ADGRB3: variants seen among roughly 807,000 people sequenced by gnomAD.
The protein encoded by ADGRB3 is brain-specific angiogenesis inhibitor 3.
ADGRB3 carries 37 observed loss-of-function variants against 193.4 expected under a neutral mutation model. The ratio of observed to expected loss-of-function variants is 0.19; its 90% CI spans 0.15 to 0.25. The LOEUF (loss-of-function observed/expected upper bound fraction) is 0.25, where lower values mean the gene tolerates loss of function less well. ADGRB3 is among the 10% of genes least tolerant of loss of function. The pLI, the probability that ADGRB3 is intolerant of heterozygous loss-of-function variation, is 1.00. For synonymous variants in ADGRB3, 690 were observed against 644.2 expected (o/e 1.07, Z -1.08); for missense variants, 1,637 against 1,852.9 (o/e 0.88, Z 2.14).
At chr6:68,912,539 C>T (rs1004202316) in intron 3 of ADGRB3, among the ~76,000 whole-genome samples, 4 of 151,950 alleles carry the variant, frequency 2.6e-5, no homozygotes, top group African/African-American at 7.3e-5. Flanking sequence ...CCACAACAGT[C>T]CCCAGAGTGT....
chr6:68,933,765 A>G (rs1288570069), intron 4 of ADGRB3, among the ~76,000 whole-genome samples: 2 of 152,200 alleles, frequency 1.3e-5, no homozygotes, highest in Non-Finnish European at 2.9e-5. Context: ...TATTCATTTT[A>G]TCGAAGACAT....
chr6:68,863,496 TATC>T (rs1238465646), intron 3 of ADGRB3, among the ~76,000 whole-genome samples: 1 of 152,092 alleles, frequency 6.6e-6, no homozygotes, highest in East Asian at 1.9e-4. Flanking sequence ...TTTATTAAAA[TATC>T]ATTTATTATG....
Position 69,355,838 on chromosome 6 carries a change from T to C in ADGRB3, c.3573T>C (p.Asp1191=), listed in dbSNP as rs764157090. 2.7e-5 allele frequency: 44 copies of C among 1,608,456 alleles called. No homozygotes were observed. Among genetic ancestry groups the C allele is most frequent in the Non-Finnish European group, 3.7e-5 (44 of 1,175,536 alleles). The part of the protein sequence containing the change: ...HAQIMTDFEK[D]VDIACRSVLH... ...TGTTACAGACAGACTTTGAAAAGGA[T>C]GTAGACATTGCCTGTCGATCAGGTA... Residue 1191 remains aspartate, a synonymous_variant, in exon 28 of 32, where the codon GAT becomes GAC. Coordinates refer to ENST00000370598, the MANE Select transcript of ADGRB3 (RefSeq NM_001704.3).
At chr6:69,331,260 T>G (rs956398954) in intron 23 of ADGRB3, among the ~76,000 whole-genome samples, 1 of 152,220 alleles carries the variant, frequency 6.6e-6, no homozygotes, top group Non-Finnish European at 1.5e-5. Flanking sequence ...TTGTTTAAAA[T>G]TTTAAACTAC....
intron 26 of ADGRB3, among the ~76,000 whole-genome samples, chr6:69,349,287 ACCT>A (rs1267170672): frequency 6.6e-6 from 1 of 152,186 alleles, no homozygotes; most frequent in Non-Finnish European, 1.5e-5. Context: ...AGCTTATATG[ACCT>A]CCTCAAACTG....
intron 20 of ADGRB3, among the ~76,000 whole-genome samples, chr6:69,253,409 C>A (rs530963639): frequency 1.3e-5 from 2 of 151,976 alleles, no homozygotes; most frequent in Non-Finnish European, 1.5e-5. Flanking sequence ...AGGTAGGGAC[C>A]AATATATTCT....
chr6:69,007,693 TCACACACACA>T (rs764934080), intron 11 of ADGRB3, among the ~76,000 whole-genome samples: 23 of 90,164 alleles, frequency 2.6e-4, no homozygotes, highest in African/African-American at 8.0e-4. Context: ...TCTCTCTCTC[TCACACACACA>T]CACACACACA....
chr6:69,193,269 G>A (rs1426575720), intron 17 of ADGRB3, among the ~76,000 whole-genome samples: 1 of 152,088 alleles, frequency 6.6e-6, no homozygotes, highest in Non-Finnish European at 1.5e-5. Context: ...TTAGAGAGTA[G>A]ACAGGTGTGA....
chr6:69,180,046 AG>A (rs1270847220), intron 17 of ADGRB3, among the ~76,000 whole-genome samples: 1 of 152,198 alleles, frequency 6.6e-6, no homozygotes, highest in East Asian at 1.9e-4. Flanking sequence ...ACCAATACTG[AG>A]GGACTATCCA....
intron 3 of ADGRB3, among the ~76,000 whole-genome samples, chr6:68,849,765 G>A (rs890424612): frequency 6.6e-6 from 1 of 151,806 alleles, no homozygotes; most frequent in African/African-American, 2.4e-5. Context: ...ATAGATGTTT[G>A]GATGGATAGC....
At chr6:68,639,542 T>A in intron 3 of ADGRB3, 110 bp downstream of exon 3, 1 of 1,325,374 alleles carries the variant, frequency 7.5e-7, no homozygotes, top group Non-Finnish European at 1.0e-6. Flanking sequence ...ATTGTCACTT[T>A]TTGATTCATT....
intron 28 of ADGRB3, among the ~76,000 whole-genome samples, chr6:69,360,560 C>T (rs1053027807): frequency 2.6e-5 from 4 of 151,838 alleles, no homozygotes; most frequent in Non-Finnish European, 5.9e-5. Context: ...TCTCCTATTT[C>T]CCTGAAAAGT....
At chr6:68,923,590 TTTAAG>T (rs1161511990) in intron 3 of ADGRB3, among the ~76,000 whole-genome samples, 2 of 152,092 alleles carry the variant, frequency 1.3e-5, no homozygotes, top group Non-Finnish European at 2.9e-5. Flanking sequence ...TATGGAATAT[TTTAAG>T]TTATTTCAGT....
At chr6:68,764,784 TAAATC>T (rs149051309) in intron 3 of ADGRB3, among the ~76,000 whole-genome samples, 6,928 of 152,258 alleles carry the variant, frequency 0.046, 313 homozygotes, top group African/African-American at 0.12. Flanking sequence ...TTGATTAACT[TAAATC>T]AATTAATATC....
chr6:69,070,904 A>G (rs1562146349), intron 16 of ADGRB3, among the ~76,000 whole-genome samples: 1 of 152,200 alleles, frequency 6.6e-6, no homozygotes, highest in Non-Finnish European at 1.5e-5. Flanking sequence ...CTTTTCTGTA[A>G]CCAACTTGTT....
In ADGRB3 at chr6:69,307,897, C is replaced by T. The variant is rs912966939; in HGVS notation, c.2815-16975C>T. Among the ~76,000 whole-genome samples, 7 of 151,248 alleles carry T rather than the reference C, an allele frequency of 4.6e-5. No individual in the cohort carries two copies. The East Asian group carries it at 5.9e-4, about 13-fold the overall frequency. On this transcript the variant is annotated intron_variant, in intron 20 of 31. Coordinates refer to ENST00000370598, the MANE Select transcript of ADGRB3 (RefSeq NM_001704.3). ...TCTCATATAAATGGATGAGGTGGTT[C>T]GATTCAAGTTATGTATTAAATGTAA...
intron 28 of ADGRB3, among the ~76,000 whole-genome samples, chr6:69,357,440 G>A (rs1350785829): frequency 1.3e-5 from 2 of 151,916 alleles, no homozygotes; most frequent in African/African-American, 4.8e-5. Context: ...TCCATTGTTT[G>A]GTGACTAAAA....
chr6:69,253,700 C>A (rs1766680034), intron 20 of ADGRB3, among the ~76,000 whole-genome samples: 1 of 152,108 alleles, frequency 6.6e-6, no homozygotes, highest in Admixed American at 6.6e-5. Flanking sequence ...TTTCAATACT[C>A]TGTCTTTTGG....
chr6:68,981,872 A>C lies in ADGRB3; in HGVS notation c.1734+6532A>C, dbSNP rs1425953506. On this transcript the variant is annotated intron_variant, in intron 10 of 31. Coordinates refer to ENST00000370598, the MANE Select transcript of ADGRB3 (RefSeq NM_001704.3). Reference sequence around the variant, plus strand: ...TATTTATTTATTTATTTATTTATTTATTTATTTATTTATTTATTTATTTTA... The same window carrying C: ...TATTTATTTATTTATTTATTTATTTCTTTATTTATTTATTTATTTATTTTA... Among the ~76,000 whole-genome samples, 8 of 143,454 alleles carry C rather than the reference A, an allele frequency of 5.6e-5. 1 individual carries two copies. Among genetic ancestry groups the C allele is most frequent in the Non-Finnish European group, 1.1e-4 (7 of 63,058 alleles). The allele number at this position is 143,454 out of a possible 152,430, so 94.1% of individuals were successfully genotyped here. A position where few individuals can be genotyped will look rare whatever the true frequency, so the allele number is the denominator to read the frequency against.
Sources: allele counts gnomAD v4.1 joint callset (sites outside exome capture counted in the v4.1 genomes callset), GRCh38; gene constraint gnomAD v4.1.1; transcripts MANE v1.5; gene names NCBI Gene and HGNC (gene_info 2026-07-23, HGNC 2026-07-21).